The following OXNAD1 variants were observed in gnomAD, a reference collection of about 807,000 sequenced individuals.
OXNAD1 encodes oxidoreductase NAD-binding domain-containing protein 1.
OXNAD1 carries 34 observed loss-of-function variants against 32.9 expected under a neutral mutation model. The ratio of observed to expected loss-of-function variants is 1.03; its 90% confidence interval spans 0.79 to 1.38. OXNAD1 has a LOEUF of 1.38. Ranked by LOEUF, OXNAD1 falls within the 40% of genes most tolerant of loss-of-function variation. The pLI is 0.00. For missense variants in OXNAD1, 407 were observed against 379.4 expected, an observed-to-expected ratio of 1.07 and a Z score of -0.60; for synonymous variants, 134 against 135.2, an observed-to-expected ratio of 0.99 and a Z score of 0.06.
chr3:16,315,305 G>T (rs1218422294), intron 9 of OXNAD1, among the ~76,000 whole-genome samples: 1 of 152,042 alleles, frequency 6.6e-6, no homozygotes. Context: ...TAGTAGAGAC[G>T]GGGTTTCACC....
At chr3:16,272,822 T>C (rs914287557) in intron 4 of OXNAD1, among the ~76,000 whole-genome samples, 1 of 152,080 alleles carries the variant, frequency 6.6e-6, no homozygotes, top group Non-Finnish European at 1.5e-5. Context: ...AGGATTTCTT[T>C]TTATAAAATG....
Position 16,271,637 on chromosome 3 carries a change from C to T in OXNAD1, c.120-22C>T, listed in dbSNP as rs923261012. On this transcript the variant is annotated intron_variant, in intron 3 of 8. Coordinates refer to ENST00000285083, the MANE Select transcript of OXNAD1 (RefSeq NM_138381.5). This position sits in a 1 kb window ranked among gnomAD's most constrained non-coding sequence, Gnocchi z 4.6. ...TTTTATGAGGATAATATGTAATAAC[C>T]TAATTTTACTTTCTATTAAAGCATA... 1.3e-6 allele frequency: 2 copies of T among 1,551,166 alleles called. No homozygotes were observed. The highest frequency in any genetic ancestry group is 1.8e-6 in the Non-Finnish European group (2 of 1,142,748).
intron 5 of OXNAD1, among the ~76,000 whole-genome samples, chr3:16,294,434 C>T (rs1448821015): frequency 1.3e-5 from 2 of 152,190 alleles, no homozygotes; most frequent in Non-Finnish European, 2.9e-5. Context: ...GTCTCAAACT[C>T]CTGACCTCAG....
chr3:16,267,460 C>T (rs1366616188), intron 1 of OXNAD1, among the ~76,000 whole-genome samples: 1 of 152,206 alleles, frequency 6.6e-6, no homozygotes, highest in African/African-American at 2.4e-5. Flanking sequence ...CTCTTACCAG[C>T]TTACTGCTCT....
At chr3:16,274,772 C>T (rs912803768) in intron 4 of OXNAD1, among the ~76,000 whole-genome samples, 2 of 152,210 alleles carry the variant, frequency 1.3e-5, no homozygotes, top group African/African-American at 4.8e-5. Context: ...TTCTTTTGAA[C>T]ATGCCCTTGT....
chr3:16,317,295 G>T lies in OXNAD1; in HGVS notation c.*30+13703G>T, dbSNP rs2068512824. ...CCGGGAACCCAGAGCTTCACCCAAAGCCTTGTTTGCATTCATACCCACACC... is the reference window on the plus strand; with the variant it reads ...CCGGGAACCCAGAGCTTCACCCAAATCCTTGTTTGCATTCATACCCACACC... On this transcript the variant is annotated intron_variant, in intron 9 of 9. Coordinates refer to the OXNAD1 transcript ENST00000435829. This position sits in a 1 kb window ranked among gnomAD's most constrained non-coding sequence, Gnocchi z 4.3. 3.9e-6 allele frequency: 6 copies of T among 1,550,996 alleles called. No individual in the cohort carries two copies. Among genetic ancestry groups the T allele is most frequent in the Non-Finnish European group, 5.2e-6 (6 of 1,143,178 alleles).
rs1198975686 is a variant in OXNAD1, at chr3:16,345,944, A to C, written c.*31-3232A>C. On this transcript the variant is annotated intron_variant, in intron 9 of 9. Coordinates refer to the OXNAD1 transcript ENST00000606098. This position sits in a 1 kb window ranked among gnomAD's most constrained non-coding sequence, Gnocchi z 5.2. ...TTCTGTGGCATACACTGAATATTTTAAACCGCATTTGTCACAGGATTTTGA... is the reference window on the plus strand; with the variant it reads ...TTCTGTGGCATACACTGAATATTTTCAACCGCATTTGTCACAGGATTTTGA... 2 of 152,074 alleles carry C rather than the reference A, an allele frequency of 1.3e-5. No homozygotes were observed. The highest frequency in any genetic ancestry group is 4.8e-5 in the African/African-American group (2 of 41,388). The allele number at this position is 152,074 out of a possible 1,614,324, so 9.4% of individuals were successfully genotyped here.
intron 9 of OXNAD1, among the ~76,000 whole-genome samples, chr3:16,324,612 G>GGCCC (rs1270315325): frequency 1.4e-4 from 10 of 71,080 alleles, no homozygotes; most frequent in African/African-American, 4.2e-4. Flanking sequence ...GAATGTCCCT[G>GGCCC]ACCCCCCCCC....
chr3:16,303,544 C>G lies in OXNAD1; in HGVS notation c.921C>G (p.Cys307Trp). ...ENNHVPKEHI[C>W]FEKWW is the part of the protein sequence containing the mutation. ...ACCATGTACCCAAAGAACACATTTG[C>G]TTTGAGAAGTGGTGGTAGGAGGCAG... is the stretch of plus-strand genomic sequence containing the variant. The change falls in exon 9 of 9, where the codon TGC becomes TGG. Residue 307 changes from cysteine to tryptophan, a missense_variant. By Grantham distance (215) the Cys-to-Trp change is radical. Coordinates refer to ENST00000285083, the MANE Select transcript of OXNAD1 (RefSeq NM_138381.5). This position sits in a 1 kb window ranked among gnomAD's most constrained non-coding sequence, Gnocchi z 4.8. 1.9e-6 allele frequency: 3 copies of G among 1,613,872 alleles called. No individual in the cohort carries two copies. Among genetic ancestry groups the G allele is most frequent in the Non-Finnish European group, 2.5e-6 (3 of 1,179,896 alleles).
chr3:16,279,517 A>G (rs1035124716), intron 4 of OXNAD1, among the ~76,000 whole-genome samples: 1 of 151,992 alleles, frequency 6.6e-6, no homozygotes, highest in Non-Finnish European at 1.5e-5. Flanking sequence ...TAACTGCTAG[A>G]GATGAAAAGT....
chr3:16,308,078 C>T (rs556108446), downstream of OXNAD1, among the ~76,000 whole-genome samples: 16 of 152,154 alleles, frequency 1.1e-4, no homozygotes, highest in South Asian at 1.0e-3. This position sits in a 1 kb window ranked among gnomAD's most constrained non-coding sequence, Gnocchi z 4.4. Context: ...AAGATAGGAA[C>T]GTATAAGACA....
At chr3:16,341,358 G>C (rs2071306707), downstream of OXNAD1, among the ~76,000 whole-genome samples, 1 of 152,228 alleles carries the variant, frequency 6.6e-6, no homozygotes, top group Non-Finnish European at 1.5e-5. The surrounding 1 kb of genome is among the most constrained non-coding windows in gnomAD (Gnocchi z 4.7). Flanking sequence ...ACACATGGCT[G>C]TTTATAGCAG....
chr3:16,273,530 A>C (rs1300500322), intron 4 of OXNAD1, among the ~76,000 whole-genome samples: 2 of 152,046 alleles, frequency 1.3e-5, no homozygotes, highest in Non-Finnish European at 2.9e-5. Context: ...ATTAGCGAGG[A>C]CTACAGGCAC....
Position 16,334,989 on chromosome 3 carries a change from G to A in OXNAD1, c.*31-2123G>A, listed in dbSNP as rs891425519. Among the ~76,000 whole-genome samples the A allele has an allele frequency of 2.6e-5, 4 of 152,220 alleles. No individual in the cohort carries two copies. The highest frequency in any genetic ancestry group is 2.0e-4 in the Admixed American group (3 of 15,292). ...CAAGGAACATGGGCAGCTTCCAGAA[G>A]CTGGCAATGGTCGGTAACAGATTGT... On this transcript the variant is annotated intron_variant, in intron 9 of 9. Coordinates refer to the OXNAD1 transcript ENST00000435829. The surrounding 1 kb of genome is among the most constrained non-coding windows in gnomAD (Gnocchi z 4.3).
At chr3:16,282,597 C>G (rs113150779) in intron 4 of OXNAD1, among the ~76,000 whole-genome samples, 4,764 of 152,040 alleles carry the variant, frequency 0.031, 105 homozygotes, top group Middle Eastern at 0.082. Flanking sequence ...GAGGGAGGAC[C>G]TCAGGCAGGG....
chr3:16,311,707 G>A (rs2067993905), intron 9 of OXNAD1, among the ~76,000 whole-genome samples: 1 of 152,104 alleles, frequency 6.6e-6, no homozygotes, highest in South Asian at 2.1e-4. Context: ...CAAGCCAGCA[G>A]CCCCCACCTA....
At chr3:16,310,462 C>A (rs76647708), downstream of OXNAD1, among the ~76,000 whole-genome samples, 40 of 152,224 alleles carry the variant, frequency 2.6e-4, 1 homozygote, top group African/African-American at 9.2e-4. Flanking sequence ...ACAGAAAAAT[C>A]CAAATCCAAA....
At chr3:16,269,550 C>T (rs2064785355) in intron 2 of OXNAD1, among the ~76,000 whole-genome samples, 1 of 152,196 alleles carries the variant, frequency 6.6e-6, no homozygotes. Flanking sequence ...CTGCATATGA[C>T]TTATATCACC....
chr3:16,333,931 CG>C (rs1207022872), intron 9 of OXNAD1, among the ~76,000 whole-genome samples: 1 of 151,858 alleles, frequency 6.6e-6, no homozygotes, highest in Non-Finnish European at 1.5e-5. Context: ...TTTGGGAGGC[CG>C]ACGCGGGTAG....
Sources: allele counts gnomAD v4.1 joint callset (sites outside exome capture counted in the v4.1 genomes callset), GRCh38; gene constraint gnomAD v4.1.1; non-coding constraint Gnocchi (gnomAD v3.1); transcripts MANE v1.5; gene names NCBI Gene and HGNC (gene_info 2026-07-23, HGNC 2026-07-21).